DPP10: variants seen among roughly 807,000 people sequenced by gnomAD.
DPP10 encodes inactive dipeptidyl peptidase 10.
In DPP10, 33 loss-of-function variants were observed where a neutral mutation model predicts 120.9. The observed-to-expected ratio is 0.27, with a 90% CI of 0.21 to 0.37. The LOEUF is 0.37. Among genes scored for constraint, DPP10 ranks in the 10% least tolerant of loss-of-function variants. The pLI, the probability that DPP10 is intolerant of heterozygous loss-of-function variation, is 1.00. For synonymous variants in DPP10, 337 were observed against 326.1 expected, an observed-to-expected ratio of 1.03 and a Z score of -0.36; for missense variants, 816 against 942.8, an observed-to-expected ratio of 0.87 and a Z score of 1.76.
intron 1 of DPP10, among the ~76,000 whole-genome samples, chr2:114,828,257 G>A (rs182110341): frequency 1.9e-3 from 282 of 152,264 alleles, no homozygotes; most frequent in Middle Eastern, 6.8e-3. Context: ...ATGGGTAGAT[G>A]TTCTCAAAAG....
chr2:114,576,163 TAAATG>T (rs1690033924), intron 1 of DPP10, among the ~76,000 whole-genome samples: 3 of 152,128 alleles, frequency 2.0e-5, no homozygotes. Context: ...TAACAGTAAA[TAAATG>T]GCACATTCAG....
At chr2:115,573,301 G>C (rs1212195012) in intron 5 of DPP10, among the ~76,000 whole-genome samples, 1 of 53,460 alleles carries the variant, frequency 1.9e-5, no homozygotes, top group Non-Finnish European at 3.7e-5. Context: ...TTTTTTTTTT[G>C]AGAAGGAGTC....
Position 115,753,305 on chromosome 2 carries a change from T to A in DPP10, c.1074+8T>A. On this transcript the variant is annotated splice_region_variant and intron_variant, in intron 11 of 25. Transcript: ENST00000410059. ...ACAGGTGCTTGTAGTAAAGTGAGTA[T>A]AATTTATTTTTCTTTTATGCCTAAA... 1 of 1,590,844 alleles carries A rather than the reference T, an allele frequency of 6.3e-7. No homozygotes were observed. Among genetic ancestry groups the A allele is most frequent in the South Asian group, 1.1e-5 (1 of 87,104 alleles).
At chr2:115,512,220 C>A (rs1329412011) in intron 4 of DPP10, among the ~76,000 whole-genome samples, 3 of 152,076 alleles carry the variant, frequency 2.0e-5, no homozygotes, top group African/African-American at 7.2e-5. Context: ...CCCACCTGAG[C>A]CTCCTGAGAA....
At chr2:115,476,379 A>G (rs2075080755) in intron 3 of DPP10, among the ~76,000 whole-genome samples, 1 of 152,148 alleles carries the variant, frequency 6.6e-6, no homozygotes, top group African/African-American at 2.4e-5. Context: ...AGGCCTCTCC[A>G]AAAGTAGAAG....
chr2:115,679,760 A>T (rs2149469231), intron 5 of DPP10, among the ~76,000 whole-genome samples: 1 of 152,348 alleles, frequency 6.6e-6, no homozygotes, highest in Admixed American at 6.5e-5. Flanking sequence ...GATAAATACC[A>T]TGTGTATCAC....
chr2:115,442,609 A>G (rs183108918), intron 3 of DPP10, among the ~76,000 whole-genome samples: 65 of 152,258 alleles, frequency 4.3e-4, no homozygotes, highest in African/African-American at 1.5e-3. Context: ...AGACAGTCGA[A>G]CAAGATGCCA....
intron 1 of DPP10, among the ~76,000 whole-genome samples, chr2:114,841,427 T>C (rs757588969): frequency 6.6e-6 from 1 of 152,164 alleles, no homozygotes; most frequent in Non-Finnish European, 1.5e-5. Flanking sequence ...GAGAAATCCA[T>C]TGGGAAAAGT....
chr2:115,735,781 C>T lies in DPP10; in HGVS notation c.698-3958C>T, dbSNP rs567136085. Reference sequence around the variant, plus strand: ...CCCCTGACTTCAGGTGATCCGCCCACCTCGGCCTCCCAAAGTGTTGTGATT... The same window carrying T: ...CCCCTGACTTCAGGTGATCCGCCCATCTCGGCCTCCCAAAGTGTTGTGATT... On this transcript the variant is annotated intron_variant, in intron 8 of 25. Transcript: ENST00000410059. Among the ~76,000 whole-genome samples the T allele has an allele frequency of 4.6e-5, 7 of 150,706 alleles. No homozygotes were observed. In the South Asian group the frequency reaches 1.3e-3, roughly 27 times the overall value.
chr2:115,707,657 A>C (rs978139781), intron 7 of DPP10, among the ~76,000 whole-genome samples: 1 of 151,872 alleles, frequency 6.6e-6, no homozygotes, highest in East Asian at 1.9e-4. Flanking sequence ...AACTTAAATT[A>C]TTATTATGGG....
At chr2:114,999,507 G>A (rs1016567338) in intron 1 of DPP10, among the ~76,000 whole-genome samples, 3 of 152,160 alleles carry the variant, frequency 2.0e-5, no homozygotes, top group African/African-American at 7.2e-5. Flanking sequence ...CACCCTTGAA[G>A]ATTGGCCCCG....
At chr2:115,083,760 T>C (rs1708469777) in intron 1 of DPP10, among the ~76,000 whole-genome samples, 1 of 152,240 alleles carries the variant, frequency 6.6e-6, no homozygotes, top group Non-Finnish European at 1.5e-5. Context: ...CTCTGAAAGT[T>C]ATCACTAAGT....
At chr2:114,583,223 T>C (rs1390220502) in intron 1 of DPP10, among the ~76,000 whole-genome samples, 2 of 152,230 alleles carry the variant, frequency 1.3e-5, no homozygotes, top group African/African-American at 2.4e-5. Context: ...TCTAGGTTAG[T>C]TTTCAAAATA....
At chr2:114,651,135 A>G (rs1367979951) in intron 1 of DPP10, among the ~76,000 whole-genome samples, 1 of 152,104 alleles carries the variant, frequency 6.6e-6, no homozygotes, top group African/African-American at 2.4e-5. Flanking sequence ...TGCATACATT[A>G]CCTGCTTGTA....
At chr2:114,624,559 A>G (rs1048124181) in intron 1 of DPP10, among the ~76,000 whole-genome samples, 14 of 151,852 alleles carry the variant, frequency 9.2e-5, no homozygotes, top group African/African-American at 3.4e-4. Context: ...AAATAATAAT[A>G]CTTAATTTGG....
At chr2:115,817,272 A>G (rs530046324) in intron 21 of DPP10, among the ~76,000 whole-genome samples, 2 of 152,116 alleles carry the variant, frequency 1.3e-5, no homozygotes, top group East Asian at 2.0e-4. Flanking sequence ...AAAAAGATGA[A>G]AGGAAAAGGG....
At chr2:114,755,645 C>G (rs1189959791) in intron 1 of DPP10, among the ~76,000 whole-genome samples, 2 of 152,086 alleles carry the variant, frequency 1.3e-5, no homozygotes, top group Non-Finnish European at 2.9e-5. Context: ...GTGATAGAAT[C>G]TGAAGATCCT....
In DPP10 at chr2:114,924,983, G is replaced by C. The variant is rs569573812; in HGVS notation, c.61-384256G>C. On this transcript the variant is annotated intron_variant, in intron 1 of 25. Transcript: ENST00000410059. ...TCCCAGCACTTTGGGAGGCCGAGGG[G>C]GGCTAATCACGAGGTCAGGAGTTTG... Among the ~76,000 whole-genome samples, 45 of 151,964 alleles carry C rather than the reference G, an allele frequency of 3.0e-4. No individual in the cohort carries two copies. In the East Asian group the frequency reaches 8.5e-3, roughly 29 times the overall value.
chr2:115,713,850 A>G (rs1209804136), intron 7 of DPP10, among the ~76,000 whole-genome samples: 2 of 152,162 alleles, frequency 1.3e-5, no homozygotes, highest in African/African-American at 4.8e-5. Context: ...ATGTCAAACC[A>G]TCATCTCTTT....
Sources: gnomAD v4.1 joint callset for allele counts (sites outside exome capture counted in the v4.1 genomes callset) on GRCh38, gnomAD v4.1.1 for gene constraint, MANE v1.5 for transcripts, NCBI Gene and HGNC (gene_info 2026-07-23, HGNC 2026-07-21) for gene names.